Variants in PPP1R17 observed in about 807,000 individuals in gnomAD.
PPP1R17 encodes G-substrate.
PPP1R17 carries 12 observed loss-of-function variants against 15.9 expected under a neutral mutation model. The ratio of observed to expected loss-of-function variants is 0.75; its 90% CI spans 0.48 to 1.22. PPP1R17 has a LOEUF of 1.22. Among genes scored for constraint, PPP1R17 ranks in the 50% most tolerant of loss-of-function variants. The probability of loss-of-function intolerance (pLI) is 0.00; values close to 1 mark genes in which losing one functional copy is unlikely to be tolerated. For missense variants in PPP1R17, 211 were observed against 187.3 expected (o/e 1.13, Z -0.74); for synonymous variants, 63 against 64.5 (o/e 0.98, Z 0.11).
At chr7:31,697,478 G>T (rs1049543370) in intron 4 of PPP1R17, among the ~76,000 whole-genome samples, 2 of 152,088 alleles carry the variant, frequency 1.3e-5, no homozygotes, top group African/African-American at 4.8e-5. Context: ...TGAGACACTT[G>T]GACTAATTGG....
intron 2 of PPP1R17, among the ~76,000 whole-genome samples, chr7:31,694,029 A>C (rs1792466673): frequency 6.6e-6 from 1 of 152,222 alleles, no homozygotes; most frequent in African/African-American, 2.4e-5. Flanking sequence ...AATATATTCC[A>C]GTTTATTCAT....
intron 4 of PPP1R17, among the ~76,000 whole-genome samples, chr7:31,699,389 G>A (rs548270292): frequency 6.6e-6 from 1 of 152,302 alleles, no homozygotes; most frequent in African/African-American, 2.4e-5. Context: ...GGCCTTCACA[G>A]AGGATTTTTT....
At chr7:31,687,647 C>T (rs1583817032) in intron 1 of PPP1R17, among the ~76,000 whole-genome samples, 1 of 152,168 alleles carries the variant, frequency 6.6e-6, no homozygotes, top group Non-Finnish European at 1.5e-5. Context: ...ATTCTCCATG[C>T]CCTACTTTAA....
At chr7:31,689,544 A>G (rs114892079) in intron 1 of PPP1R17, among the ~76,000 whole-genome samples, 312 of 152,182 alleles carry the variant, frequency 2.1e-3, no homozygotes, top group African/African-American at 7.1e-3. Context: ...TAGGAAATGG[A>G]AATATTCCAT....
At chr7:31,692,057 T>C (rs1043310194) in intron 1 of PPP1R17, among the ~76,000 whole-genome samples, 4 of 152,138 alleles carry the variant, frequency 2.6e-5, no homozygotes, top group African/African-American at 9.7e-5. Flanking sequence ...ATAGGCAAGG[T>C]TTAAGCATGA....
intron 1 of PPP1R17, among the ~76,000 whole-genome samples, chr7:31,691,761 T>C (rs1166931901): frequency 1.4e-5 from 2 of 146,732 alleles, no homozygotes; most frequent in Non-Finnish European, 3.0e-5. Context: ...GGAGGTAGTC[T>C]CTTTACTTTA....
rs1302151829 is a variant in PPP1R17, at chr7:31,708,039, T to C, written c.*756T>C. ...CAAGTGAGTCATTATCAATGGTAGA[T>C]AAAATATCAATGTTTGTGATGAATT... On this transcript the variant is annotated 3_prime_UTR_variant, in exon 5 of 5. Transcript: ENST00000342032. The C allele has an allele frequency of 6.6e-6, 1 of 152,252 alleles. No individual in the cohort carries two copies. Among genetic ancestry groups the C allele is most frequent in the South Asian group, 2.1e-4 (1 of 4,832 alleles). 9.4% of individuals were successfully genotyped at this position (152,252 alleles called of 1,614,324 possible).
intron 1 of PPP1R17, among the ~76,000 whole-genome samples, chr7:31,690,870 A>G (rs938294092): frequency 2.6e-5 from 4 of 152,196 alleles, no homozygotes; most frequent in African/African-American, 9.6e-5. Context: ...TGAGGAATGA[A>G]TATTTTCAAC....
rs530703226 is a variant in PPP1R17 at position 31,702,513 on chromosome 7, C to A, written c.389-4691C>A. On this transcript the variant is annotated intron_variant, in intron 4 of 4. Transcript: ENST00000342032. Reference sequence around the variant, plus strand: ...ATTACCTTTCAGTAGTCAGCCAGCTCGAAGCCTCTGCTATCAGACCCCTTC... The same window carrying A: ...ATTACCTTTCAGTAGTCAGCCAGCTAGAAGCCTCTGCTATCAGACCCCTTC... Among the ~76,000 whole-genome samples, 5 of 152,316 alleles carry A rather than the reference C, an allele frequency of 3.3e-5. No individual in the cohort carries two copies. In the South Asian group the frequency reaches 1.0e-3, roughly 32 times the overall value.
intron 4 of PPP1R17, among the ~76,000 whole-genome samples, chr7:31,706,315 T>G (rs1471496548): frequency 1.3e-5 from 2 of 152,020 alleles, no homozygotes; most frequent in African/African-American, 2.4e-5. Flanking sequence ...CAGTAAATTT[T>G]TAAAACAAAA....
intron 2 of PPP1R17, 106 bp from the exon 3 acceptor site, chr7:31,695,363 A>G: frequency 9.7e-7 from 1 of 1,032,942 alleles, no homozygotes; most frequent in Non-Finnish European, 1.4e-6. Flanking sequence ...TTTTCAGGCC[A>G]AATCACCTCT....
chr7:31,692,621 C>T (rs1264651231), intron 2 of PPP1R17, 98 bp downstream of exon 2: 26 of 1,131,486 alleles, frequency 2.3e-5, no homozygotes, highest in Non-Finnish European at 3.0e-5. Context: ...GGGCACCCCC[C>T]GAAACCTGAT....
chr7:31,707,340 TA>T lies in PPP1R17; in HGVS notation c.*58del. Reference sequence around the variant, plus strand: ...GTTAGATTGGTTCCCTGTGGTGACCTAGAGAAAAAATAGACTTGTTTCTGCT... The same window carrying T: ...GTTAGATTGGTTCCCTGTGGTGACCTGAGAAAAAATAGACTTGTTTCTGCT... On this transcript the variant is annotated 3_prime_UTR_variant, in exon 5 of 5. Transcript: ENST00000342032. 6.9e-7 allele frequency: 1 copy of T among 1,440,816 alleles called. No individual in the cohort carries two copies. The allele number at this position is 1,440,816 out of a possible 1,614,324, so 89.3% of individuals were successfully genotyped here.
At chr7:31,696,500 T>C (rs1417713209) in intron 3 of PPP1R17, among the ~76,000 whole-genome samples, 2 of 152,200 alleles carry the variant, frequency 1.3e-5, no homozygotes, top group Admixed American at 6.5e-5. Context: ...AAAATTTCAC[T>C]GTAGCATAGA....
intron 1 of PPP1R17, among the ~76,000 whole-genome samples, chr7:31,689,732 G>A (rs1189975394): frequency 6.6e-6 from 1 of 152,032 alleles, no homozygotes; most frequent in Non-Finnish European, 1.5e-5. Flanking sequence ...CCCTCCACTT[G>A]CTTGTTCTTT....
At chr7:31,699,654 C>T (rs1292976673) in intron 4 of PPP1R17, among the ~76,000 whole-genome samples, 1 of 150,786 alleles carries the variant, frequency 6.6e-6, no homozygotes, top group African/African-American at 2.4e-5. Context: ...TTTTTTTTAA[C>T]CAAATTGGAT....
At chr7:31,694,856 T>C (rs947868029) in intron 2 of PPP1R17, among the ~76,000 whole-genome samples, 3 of 151,864 alleles carry the variant, frequency 2.0e-5, no homozygotes, top group Non-Finnish European at 2.9e-5. Flanking sequence ...ATGCAGAGGA[T>C]TGAGAAAAGT....
intron 1 of PPP1R17, among the ~76,000 whole-genome samples, chr7:31,688,095 G>A (rs1311851784): frequency 6.6e-6 from 1 of 152,090 alleles, no homozygotes; most frequent in Non-Finnish European, 1.5e-5. Context: ...ACAAATGGAG[G>A]ACTGAAAGAT....
chr7:31,697,447 G>A (rs779254499), intron 4 of PPP1R17, among the ~76,000 whole-genome samples: 16 of 152,212 alleles, frequency 1.1e-4, no homozygotes, highest in Non-Finnish European at 2.1e-4. Flanking sequence ...CACGGATTTT[G>A]CGTCTTATGG....
Sources: allele counts gnomAD v4.1 joint callset (sites outside exome capture counted in the v4.1 genomes callset), GRCh38; gene constraint gnomAD v4.1.1; transcripts MANE v1.5; gene names NCBI Gene and HGNC (gene_info 2026-07-23, HGNC 2026-07-21).